The following GRIN2B variants were observed in gnomAD, a reference collection of about 807,000 sequenced individuals.
GRIN2B encodes the protein glutamate receptor ionotropic, NMDA 2B.
Under a neutral mutation model 114.5 loss-of-function variants are expected in GRIN2B, and 5 were observed. That is an observed-to-expected ratio of 0.04 (90% CI 0.02 to 0.09). The LOEUF (loss-of-function observed/expected upper bound fraction) is 0.09. GRIN2B is among the 10% of genes least tolerant of loss of function. The pLI is 1.00. For missense variants in GRIN2B, 1,108 were observed against 1,943.5 expected (o/e 0.57, Z 8.08); for synonymous variants, 787 against 745.1 (o/e 1.06, Z -0.92).
chr12:13,803,199 T>C (rs1864546456), intron 3 of GRIN2B, among the ~76,000 whole-genome samples: 1 of 152,178 alleles, frequency 6.6e-6, no homozygotes, highest in South Asian at 2.1e-4. Context: ...ATTGACTGTT[T>C]CTGTTATCAG....
rs186057667 is a variant in GRIN2B at position 13,549,218 on chromosome 12, G to T, written c.*13565C>A. The stretch of plus-strand genomic sequence containing the variant: ...TTGTTGCAAGATTCTCTGATCTGCG[G>T]GTGCTTAATAAATAATTCACCATTG... On this transcript the variant is annotated 3_prime_UTR_variant, in exon 14 of 14. Coordinates refer to ENST00000609686, the MANE Select transcript of GRIN2B (RefSeq NM_000834.5). 1.3e-5 allele frequency: 2 copies of T among 152,230 alleles called. No individual in the cohort carries two copies. The highest frequency in any genetic ancestry group is 2.9e-5 in the Non-Finnish European group (2 of 68,006). 9.4% of individuals were successfully genotyped at this position (152,230 alleles called of 1,614,324 possible). A position where few individuals can be genotyped will look rare whatever the true frequency, so the allele number is the denominator to read the frequency against.
chr12:13,870,670 C>T (rs1865890450), intron 2 of GRIN2B, among the ~76,000 whole-genome samples: 1 of 151,844 alleles, frequency 6.6e-6, no homozygotes, highest in Non-Finnish European at 1.5e-5. Context: ...TCCCTTAATG[C>T]AGTCAGGACA....
rs1864623588 is a variant in GRIN2B at position 13,807,443 on chromosome 12, A to G, written c.412-53528T>C. Among the ~76,000 whole-genome samples, 3 of 151,542 alleles carry G rather than the reference A, an allele frequency of 2.0e-5. No homozygotes were observed. The South Asian group carries it at 6.3e-4, about 32-fold the overall frequency. On this transcript the variant is annotated intron_variant, in intron 3 of 13. Transcript: ENST00000609686. The stretch of plus-strand genomic sequence containing the variant: ...TTCACATAATGCCCTTCTCCTTCTC[A>G]CCTCCCTGCATCTCTCTGACCACAT...
chr12:13,642,916 C>T (rs1459416180), intron 5 of GRIN2B, among the ~76,000 whole-genome samples: 1 of 152,120 alleles, frequency 6.6e-6, no homozygotes, highest in Non-Finnish European at 1.5e-5. Context: ...GAAATCTTTC[C>T]ATTATGCTAT....
At chr12:13,700,451 C>A (rs1950301291) in intron 4 of GRIN2B, among the ~76,000 whole-genome samples, 1 of 152,178 alleles carries the variant, frequency 6.6e-6, no homozygotes, top group Non-Finnish European at 1.5e-5. Flanking sequence ...CTACTTCTAT[C>A]TTCCCCCATA....
chr12:13,869,644 G>T (rs373742859), intron 2 of GRIN2B, among the ~76,000 whole-genome samples: 1 of 152,172 alleles, frequency 6.6e-6, no homozygotes, highest in Non-Finnish European at 1.5e-5. Context: ...AGATTACACA[G>T]CTAATAAGGG....
chr12:13,775,018 G>A (rs528708478), intron 3 of GRIN2B, among the ~76,000 whole-genome samples: 5 of 152,246 alleles, frequency 3.3e-5, no homozygotes, highest in Admixed American at 6.5e-5. Context: ...TGGTGCTGCC[G>A]CTGGTGATGA....
At chr12:13,820,653 A>G (rs1297849434) in intron 3 of GRIN2B, among the ~76,000 whole-genome samples, 1 of 152,190 alleles carries the variant, frequency 6.6e-6, no homozygotes, top group African/African-American at 2.4e-5. Context: ...CTTGGCCTAC[A>G]TTAGGGAGCT....
At position 13,615,768 on chromosome 12, in the gene GRIN2B, G is replaced by A. The variant is rs1029393232; in HGVS notation, c.1329-104C>T. Reference sequence around the variant, plus strand: ...TAAAAAACCTCCAATCCCAAAGCAGGCCCCCTTCACAGCTCAGCACAATTT... The same window carrying A: ...TAAAAAACCTCCAATCCCAAAGCAGACCCCCTTCACAGCTCAGCACAATTT... On this transcript the variant is annotated intron_variant, in intron 6 of 13. Transcript: ENST00000609686. The surrounding 1 kb of genome is among the most constrained non-coding windows in gnomAD (Gnocchi z 5.8). 5.0e-5 allele frequency: 47 copies of A among 939,042 alleles called. No homozygotes were observed. The African/African-American group carries it at 7.1e-4, about 14-fold the overall frequency. 58.2% of individuals were successfully genotyped at this position (939,042 alleles called of 1,614,324 possible). A position where few individuals can be genotyped will look rare whatever the true frequency, so the allele number is the denominator to read the frequency against.
chr12:13,704,286 G>A (rs1002441004), intron 4 of GRIN2B, among the ~76,000 whole-genome samples: 7 of 152,080 alleles, frequency 4.6e-5, no homozygotes, highest in African/African-American at 1.7e-4. Context: ...CAGGGCTTGC[G>A]GGAAAACTCT....
rs1045872788 is a variant in GRIN2B, at chr12:13,842,758, G to A, written c.411+23040C>T. On this transcript the variant is annotated intron_variant, in intron 3 of 13. Transcript: ENST00000609686. ...TCATTATGGAAATAGGGTGAAAATG[G>A]GGTCTAGTGAAGTGATGGCAAAATT... 5.9e-5 allele frequency among the ~76,000 whole-genome samples: 9 copies of A among 152,086 alleles called. No individual in the cohort carries two copies. The South Asian group carries it at 1.5e-3, about 25-fold the overall frequency.
intron 4 of GRIN2B, among the ~76,000 whole-genome samples, chr12:13,749,962 G>T (rs1591710524): frequency 1.3e-5 from 2 of 152,194 alleles, no homozygotes; most frequent in South Asian, 2.1e-4. Context: ...GAATGGAGGT[G>T]TATGGACAAG....
intron 2 of GRIN2B, among the ~76,000 whole-genome samples, chr12:13,975,355 G>A (rs953256209): frequency 6.6e-6 from 1 of 152,208 alleles, no homozygotes; most frequent in Non-Finnish European, 1.5e-5. Flanking sequence ...GATAAAGTTA[G>A]AGCAGCACTG....
chr12:13,773,983 T>A (rs1863955027), intron 3 of GRIN2B, among the ~76,000 whole-genome samples: 1 of 152,110 alleles, frequency 6.6e-6, no homozygotes, highest in South Asian at 2.1e-4. Flanking sequence ...AAAATAAGTA[T>A]AACAGTGTCT....
chr12:13,796,271 A>G (rs1290700431), intron 3 of GRIN2B, among the ~76,000 whole-genome samples: 1 of 152,158 alleles, frequency 6.6e-6, no homozygotes, highest in Admixed American at 6.5e-5. Flanking sequence ...AACTTGACCA[A>G]TTGCAGACCC....
At chr12:13,800,810 TC>T (rs1864496936) in intron 3 of GRIN2B, among the ~76,000 whole-genome samples, 1 of 152,208 alleles carries the variant, frequency 6.6e-6, no homozygotes, top group Admixed American at 6.5e-5. Context: ...CAAATACGTG[TC>T]AAAAATTCAC....
intron 3 of GRIN2B, among the ~76,000 whole-genome samples, chr12:13,797,301 A>G (rs1356035713): frequency 6.6e-6 from 1 of 151,920 alleles, no homozygotes; most frequent in Non-Finnish European, 1.5e-5. Context: ...TGACCTAATC[A>G]CCTCCCAAAT....
At chr12:13,678,697 A>G (rs1449798157) in intron 4 of GRIN2B, among the ~76,000 whole-genome samples, 1 of 152,080 alleles carries the variant, frequency 6.6e-6, no homozygotes, top group African/African-American at 2.4e-5. Context: ...ACCCAAGCCC[A>G]TCATTAGTGT....
chr12:13,916,770 C>T (rs1398629213), intron 2 of GRIN2B, among the ~76,000 whole-genome samples: 1 of 82,352 alleles, frequency 1.2e-5, no homozygotes. Context: ...TATTTTAATC[C>T]TCAATGTACG....
Sources: allele counts gnomAD v4.1 joint callset (sites outside exome capture counted in the v4.1 genomes callset), GRCh38; gene constraint gnomAD v4.1.1; non-coding constraint Gnocchi (gnomAD v3.1); transcripts MANE v1.5; gene names NCBI Gene and HGNC (gene_info 2026-07-23, HGNC 2026-07-21).